PIP5K1B: variants seen among roughly 807,000 people sequenced by gnomAD.
PIP5K1B encodes the protein phosphatidylinositol 4-phosphate 5-kinase type-1 beta.
PIP5K1B carries 42 observed loss-of-function variants against 67.0 expected under a neutral mutation model. The ratio of observed to expected loss-of-function variants is 0.63; its 90% confidence interval spans 0.49 to 0.81. The LOEUF is 0.81. PIP5K1B is among the 30% of genes least tolerant of loss of function. The probability of loss-of-function intolerance (pLI) is 0.00; values close to 1 mark genes in which losing one functional copy is unlikely to be tolerated. For synonymous variants in PIP5K1B, 214 were observed against 231.4 expected, an observed-to-expected ratio of 0.92 and a Z score of 0.68; for missense variants, 459 against 646.3, an observed-to-expected ratio of 0.71 and a Z score of 3.14.
intron 2 of PIP5K1B, chr9:68,782,872 T>G (rs1481935192): frequency 6.0e-6 from 1 of 167,106 alleles, no homozygotes; most frequent in Non-Finnish European, 1.5e-5. Context: ...GCTCAATTGA[T>G]GTCATCACTG....
chr9:68,920,267 A>G (rs1826299639), intron 11 of PIP5K1B, among the ~76,000 whole-genome samples: 1 of 152,078 alleles, frequency 6.6e-6, no homozygotes, highest in South Asian at 2.1e-4. Context: ...TGTTCAACAC[A>G]ATGCCTAACA....
chr9:68,801,923 C>T (rs1832624352), intron 2 of PIP5K1B, among the ~76,000 whole-genome samples: 5 of 152,220 alleles, frequency 3.3e-5, no homozygotes, highest in Admixed American at 3.3e-4. Flanking sequence ...AGAGTGAAGT[C>T]AGTGTGTTAC....
intron 4 of PIP5K1B, among the ~76,000 whole-genome samples, chr9:68,859,746 A>G (rs1822965711): frequency 6.6e-6 from 1 of 152,134 alleles, no homozygotes; most frequent in Admixed American, 6.6e-5. Flanking sequence ...AACACTTCAC[A>G]CAGAAGGTTC....
At chr9:68,883,245 C>G (rs1344769484) in intron 6 of PIP5K1B, among the ~76,000 whole-genome samples, 1 of 152,160 alleles carries the variant, frequency 6.6e-6, no homozygotes, top group Non-Finnish European at 1.5e-5. Flanking sequence ...CACAAGGACA[C>G]TTTGTCTGCA....
In PIP5K1B at chr9:68,755,865, G is replaced by C. The variant is rs529485133; in HGVS notation, c.-86+13208G>C. Among the ~76,000 whole-genome samples the C allele has an allele frequency of 2.6e-5, 4 of 152,330 alleles. No individual in the cohort carries two copies. The South Asian group carries it at 8.3e-4, about 32-fold the overall frequency. ...AGTCTTCAAATAGTCATTGATCCAG[G>C]TGTCCTCAGAGAGCCTGAAAAACAA... On this transcript the variant is annotated intron_variant, in intron 2 of 15. Coordinates refer to ENST00000265382, the MANE Select transcript of PIP5K1B (RefSeq NM_003558.4).
At chr9:68,950,397 C>G (rs1023740504) in intron 14 of PIP5K1B, among the ~76,000 whole-genome samples, 1 of 152,172 alleles carries the variant, frequency 6.6e-6, no homozygotes. Context: ...ATGCAAATTT[C>G]GTCTCACCCT....
intron 1 of PIP5K1B, among the ~76,000 whole-genome samples, chr9:68,715,364 C>T (rs548474219): frequency 6.6e-6 from 1 of 152,282 alleles, no homozygotes; most frequent in African/African-American, 2.4e-5. Context: ...GTCCTGCTGC[C>T]ACTCCAGTCT....
At chr9:68,795,470 A>G (rs1832238814) in intron 2 of PIP5K1B, among the ~76,000 whole-genome samples, 1 of 152,216 alleles carries the variant, frequency 6.6e-6, no homozygotes, top group African/African-American at 2.4e-5. Context: ...TCTTTAGGGC[A>G]AATTTCCTGA....
chr9:68,820,871 C>T (rs149080509), intron 3 of PIP5K1B, among the ~76,000 whole-genome samples: 2 of 152,252 alleles, frequency 1.3e-5, no homozygotes, highest in Non-Finnish European at 2.9e-5. Context: ...GATCAGATCT[C>T]CCAATGAAAA....
chr9:68,900,942 G>A (rs1825324517), intron 8 of PIP5K1B, among the ~76,000 whole-genome samples: 1 of 152,052 alleles, frequency 6.6e-6, no homozygotes, highest in Non-Finnish European at 1.5e-5. Context: ...TACAAAATGG[G>A]TTATTTTATA....
intron 8 of PIP5K1B, among the ~76,000 whole-genome samples, chr9:68,910,454 T>G (rs1825799001): frequency 6.6e-6 from 1 of 152,230 alleles, no homozygotes; most frequent in African/African-American, 2.4e-5. Context: ...AGTTCTTATA[T>G]TTAAGATACA....
intron 2 of PIP5K1B, among the ~76,000 whole-genome samples, chr9:68,803,110 G>A (rs886627498): frequency 6.6e-6 from 1 of 152,192 alleles, no homozygotes; most frequent in African/African-American, 2.4e-5. Flanking sequence ...TAGGTTGTGG[G>A]GAGGATGTAT....
At chr9:68,817,756 A>G (rs1833525846) in intron 2 of PIP5K1B, among the ~76,000 whole-genome samples, 1 of 128,576 alleles carries the variant, frequency 7.8e-6, no homozygotes, top group South Asian at 2.4e-4. Flanking sequence ...GAGTCTCACT[A>G]TGTTGCCCAG....
chr9:68,811,739 A>T (rs1384060021), intron 2 of PIP5K1B, among the ~76,000 whole-genome samples: 1 of 152,162 alleles, frequency 6.6e-6, no homozygotes, highest in Admixed American at 6.5e-5. Flanking sequence ...CATCACTTTT[A>T]TAACCAATTC....
At chr9:68,927,965 A>G (rs1361253225) in intron 12 of PIP5K1B, among the ~76,000 whole-genome samples, 1 of 152,044 alleles carries the variant, frequency 6.6e-6, no homozygotes, top group Admixed American at 6.6e-5. Context: ...ATTCTTTTGC[A>G]TGTGGGATAG....
intron 14 of PIP5K1B, among the ~76,000 whole-genome samples, chr9:68,981,067 G>A (rs1256459945): frequency 6.6e-6 from 1 of 152,122 alleles, no homozygotes. Flanking sequence ...GACAAAGAGG[G>A]AGCAATTTTG....
At chr9:68,924,288 A>G (rs1357416330) in intron 12 of PIP5K1B, among the ~76,000 whole-genome samples, 2 of 150,670 alleles carry the variant, frequency 1.3e-5, no homozygotes, top group East Asian at 3.9e-4. Flanking sequence ...TGTAATCCTA[A>G]CTACTTAGGA....
Position 68,902,711 on chromosome 9 carries a change from A to G in PIP5K1B, c.771+8073A>G, listed in dbSNP as rs78436551. On this transcript the variant is annotated intron_variant, in intron 8 of 15. Coordinates refer to ENST00000265382, the MANE Select transcript of PIP5K1B (RefSeq NM_003558.4). ...TACTCTTTTCCAGAGTGGTTGCACCATTTTACATTTCCACCAGCAGTGGAT... is the reference window on the plus strand; with the variant it reads ...TACTCTTTTCCAGAGTGGTTGCACCGTTTTACATTTCCACCAGCAGTGGAT... Among the ~76,000 whole-genome samples the G allele has an allele frequency of 4.3e-3, 653 of 152,266 alleles. 4 individuals carry two copies. The highest frequency in any genetic ancestry group is 0.01 in the Middle Eastern group (3 of 294).
chr9:68,735,332 T>TTTTTTTTTTTTTTTTTTTTTTTTTTTTG, intron 1 of PIP5K1B, among the ~76,000 whole-genome samples: 1 of 135,520 alleles, frequency 7.4e-6, no homozygotes, highest in Non-Finnish European at 1.6e-5. Flanking sequence ...TTTTTTTTTT[T>TTTTTTTTTTTTTTTTTTTTTTTTTTTTG]TTTTTTTTTT....
Sources: gnomAD v4.1 joint callset for allele counts (sites outside exome capture counted in the v4.1 genomes callset) on GRCh38, gnomAD v4.1.1 for gene constraint, MANE v1.5 for transcripts, NCBI Gene and HGNC (gene_info 2026-07-23, HGNC 2026-07-21) for gene names.